Variants in FOXN1 observed in about 807,000 individuals in gnomAD.
The protein encoded by FOXN1 is forkhead box N1.
Under a neutral mutation model 49.0 loss-of-function variants are expected in FOXN1, and 15 were observed. The ratio of observed to expected loss-of-function variants is 0.31; its 90% confidence interval spans 0.20 to 0.47. The LOEUF (loss-of-function observed/expected upper bound fraction) is 0.47. FOXN1 is among the 20% of genes least tolerant of loss of function. FOXN1 has a pLI of 1.00. For missense variants in FOXN1, 800 were observed against 842.8 expected, an observed-to-expected ratio of 0.95 and a Z score of 0.63; for synonymous variants, 356 against 369.0, an observed-to-expected ratio of 0.96 and a Z score of 0.40.
At chr17:28,512,416 C>G (rs1415150943) in intron 1 of FOXN1, among the ~76,000 whole-genome samples, 1 of 152,232 alleles carries the variant, frequency 6.6e-6, no homozygotes, top group African/African-American at 2.4e-5. Context: ...TGGTTCTAGG[C>G]CACCTTGTCC....
At chr17:28,510,540 A>G (rs2069368663) in intron 1 of FOXN1, among the ~76,000 whole-genome samples, 1 of 150,096 alleles carries the variant, frequency 6.7e-6, no homozygotes, top group South Asian at 2.1e-4. Flanking sequence ...AAGGCATAGA[A>G]TGTACATGAG....
rs572652688 is a variant in FOXN1 at position 28,537,065 on chromosome 17, A to T, written c.1628-52A>T. 19 of 1,394,450 alleles carry T rather than the reference A, an allele frequency of 1.4e-5. No homozygotes were observed. In the South Asian group the frequency reaches 2.2e-4, roughly 16 times the overall value. The allele number at this position is 1,394,450 out of a possible 1,614,324, so 86.4% of individuals were successfully genotyped here. The stretch of plus-strand genomic sequence containing the variant: ...GATTGACAGGGAGGAGGGGCCAGAC[A>T]GGGCTCCTCCGGTGCCTCCCAGTGA... On this transcript the variant is annotated intron_variant, in intron 8 of 8. Coordinates refer to ENST00000579795, the MANE Select transcript of FOXN1 (RefSeq NM_001369369.1).
At chr17:28,526,716 G>A (rs553333681) in intron 3 of FOXN1, among the ~76,000 whole-genome samples, 3 of 152,312 alleles carry the variant, frequency 2.0e-5, no homozygotes, top group African/African-American at 4.8e-5. Context: ...GCCCCATTCA[G>A]AGATCCTGCT....
chr17:28,520,595 G>T (rs897237432), intron 1 of FOXN1, among the ~76,000 whole-genome samples: 8 of 152,194 alleles, frequency 5.3e-5, no homozygotes, highest in Non-Finnish European at 1.0e-4. Context: ...GATTGGAGGA[G>T]GTAGCAGGGT....
intron 1 of FOXN1, among the ~76,000 whole-genome samples, chr17:28,519,296 A>C (rs543798): frequency 0.017 from 2,529 of 151,300 alleles, 42 homozygotes; most frequent in Admixed American, 0.051. Context: ...GTGCCACTGC[A>C]CTCCAGCCTG....
chr17:28,518,685 C>T (rs573420870), intron 1 of FOXN1, among the ~76,000 whole-genome samples: 7 of 152,248 alleles, frequency 4.6e-5, no homozygotes, highest in Non-Finnish European at 7.4e-5. Flanking sequence ...TCATGGCAGG[C>T]GGAAGGTGGC....
rs1314395526 is a variant in FOXN1, at chr17:28,529,124, C to T, written c.730C>T (p.Pro244Ser). The change falls in exon 5 of 9, where the codon CCC (proline) becomes TCC (serine). Residue 244 changes from proline to serine, a missense_variant. Physicochemically the swap from Pro to Ser is moderately conservative, Grantham distance 74. Coordinates refer to ENST00000579795, the MANE Select transcript of FOXN1 (RefSeq NM_001369369.1). ...GCCAGGTGGTGGCAGCTACCCCATA[C>T]CCTACCTGGGCTCCTCACACTATCA... ...YSPGGGSYPIPYLGSSHYQYQ... is the reference protein window; with the variant it reads ...YSPGGGSYPISYLGSSHYQYQ... The T allele has an allele frequency of 6.2e-7, 1 of 1,614,162 alleles. No individual in the cohort carries two copies. Among genetic ancestry groups the T allele is most frequent in the Non-Finnish European group, 8.5e-7 (1 of 1,180,020 alleles).
intron 6 of FOXN1, among the ~76,000 whole-genome samples, chr17:28,532,896 C>T (rs939484745): frequency 6.6e-6 from 1 of 152,246 alleles, no homozygotes; most frequent in Non-Finnish European, 1.5e-5. Context: ...CGCCCATTAA[C>T]TCCGCCCATG....
At chr17:28,511,803 G>T (rs1408374368) in intron 1 of FOXN1, among the ~76,000 whole-genome samples, 2 of 152,054 alleles carry the variant, frequency 1.3e-5, no homozygotes, top group African/African-American at 4.8e-5. Context: ...GGAAAAGGGG[G>T]ATTCTGTAGG....
At position 28,537,852 on chromosome 17, in the gene FOXN1, G is replaced by A. The variant is rs987671361; in HGVS notation, c.*416G>A. 1.0e-4 allele frequency: 30 copies of A among 296,122 alleles called. No individual in the cohort carries two copies. The highest frequency in any genetic ancestry group is 6.3e-4 in the African/African-American group (29 of 46,392). The allele number at this position is 296,122 out of a possible 1,614,324, so 18.3% of individuals were successfully genotyped here. On this transcript the variant is annotated 3_prime_UTR_variant, in exon 9 of 9. Transcript: ENST00000579795. Reference sequence around the variant, plus strand: ...TTTCTGGGGCAACTGAGAGCTGAGCGCTTTGCTTACCAAAAGCTCAGGGCC... The same window carrying A: ...TTTCTGGGGCAACTGAGAGCTGAGCACTTTGCTTACCAAAAGCTCAGGGCC...
At chr17:28,512,595 C>T (rs997405867) in intron 1 of FOXN1, among the ~76,000 whole-genome samples, 5 of 152,190 alleles carry the variant, frequency 3.3e-5, no homozygotes, top group South Asian at 2.1e-4. Context: ...AAAGCAAGAC[C>T]CCATCTCTAG....
intron 2 of FOXN1, 97 bp downstream of exon 2, chr17:28,524,189 A>C (rs1597550400): frequency 7.7e-7 from 1 of 1,302,124 alleles, no homozygotes; most frequent in Non-Finnish European, 1.1e-6. Flanking sequence ...GGGACCTCCC[A>C]GGGCCTGTCT....
At chr17:28,528,563 C>T (rs919791857) in intron 4 of FOXN1, among the ~76,000 whole-genome samples, 2 of 152,150 alleles carry the variant, frequency 1.3e-5, no homozygotes, top group Non-Finnish European at 2.9e-5. Context: ...TCTCCTACCC[C>T]CATCCCCCAT....
chr17:28,509,564 A>G lies in FOXN1; in HGVS notation c.-15+3121A>G, dbSNP rs143328753. On this transcript the variant is annotated intron_variant, in intron 1 of 8. Coordinates refer to ENST00000579795, the MANE Select transcript of FOXN1 (RefSeq NM_001369369.1). ...GAGCATTGAGGAAAAGCCCAGAGCC[A>G]TGCCAATAGACAAAACGAGCAGGAC... 2.5e-3 allele frequency among the ~76,000 whole-genome samples: 382 copies of G among 152,356 alleles called. 3 individuals are homozygous for G. Among genetic ancestry groups the G allele is most frequent in the African/African-American group, 8.9e-3 (369 of 41,588 alleles).
intron 2 of FOXN1, 83 bp from the exon 3 acceptor site, chr17:28,524,420 C>A: frequency 1.6e-6 from 2 of 1,226,796 alleles, no homozygotes; most frequent in Non-Finnish European, 2.4e-6. Flanking sequence ...ACCCCCTTTA[C>A]CCCAGAACAG....
chr17:28,526,049 A>G lies in FOXN1; in HGVS notation c.588+1082A>G, dbSNP rs115254288. Among the ~76,000 whole-genome samples, 444 of 152,286 alleles carry G rather than the reference A, an allele frequency of 2.9e-3. 2 individuals carry two copies. The highest frequency in any genetic ancestry group is 0.01 in the African/African-American group (421 of 41,546). ...ACCATACCCGTGTTGCAGATGAGGA[A>G]ACTGAGGCTCATAGAGGCCAAGTGA... On this transcript the variant is annotated intron_variant, in intron 3 of 8. Transcript: ENST00000579795.
At chr17:28,532,948 G>A (rs1031296424) in intron 6 of FOXN1, among the ~76,000 whole-genome samples, 2 of 152,210 alleles carry the variant, frequency 1.3e-5, no homozygotes, top group African/African-American at 4.8e-5. Flanking sequence ...TGTGGTGGGA[G>A]TCGAAGGTGA....
At chr17:28,513,605 A>T (rs541471868) in intron 1 of FOXN1, among the ~76,000 whole-genome samples, 1 of 152,330 alleles carries the variant, frequency 6.6e-6, no homozygotes, top group Non-Finnish European at 1.5e-5. Context: ...GTCCTGTGGC[A>T]TTTATGGGGC....
At chr17:28,523,792 TTCTCTCTCTCTCTCTCTCTC>T (rs10527420) in intron 1 of FOXN1, 144 bp from the exon 2 acceptor site, 428 of 641,554 alleles carry the variant, frequency 6.7e-4, no homozygotes, top group Non-Finnish European at 7.7e-4. Context: ...CGCTCTCTGG[TTCTCTCTCTCTCTCTCTCTC>T]TCTCTCTCTC....
Sources: allele counts gnomAD v4.1 joint callset (sites outside exome capture counted in the v4.1 genomes callset), GRCh38; gene constraint gnomAD v4.1.1; transcripts MANE v1.5; gene names NCBI Gene and HGNC (gene_info 2026-07-23, HGNC 2026-07-21).